Variants in ALDH3B2 observed in about 807,000 individuals in gnomAD.
ALDH3B2 encodes the protein aldehyde dehydrogenase family 3 member B2.
In ALDH3B2, 45 loss-of-function variants were observed where a neutral mutation model predicts 36.7. The ratio of observed to expected loss-of-function variants is 1.23; its 90% CI spans 0.97 to 1.57. The LOEUF is 1.57. ALDH3B2 is among the 40% of genes most tolerant of loss of function. The probability of loss-of-function intolerance (pLI) is 0.00; values close to 1 mark genes in which losing one functional copy is unlikely to be tolerated. For synonymous variants in ALDH3B2, 217 were observed against 226.5 expected (o/e 0.96, Z 0.38); for missense variants, 464 against 513.3 (o/e 0.90, Z 0.93).
chr11:67,667,411 C>T, intron 2 of ALDH3B2, 62 bp downstream of exon 2: 2 of 348,494 alleles, frequency 5.7e-6, no homozygotes, highest in Non-Finnish European at 1.1e-5. Flanking sequence ...GGCACGGGCC[C>T]TCCTGAAAGA....
At chr11:67,667,518 T>C in exon 2 of ALDH3B2, 1 of 390,288 alleles carries the variant, frequency 2.6e-6, no homozygotes, top group Non-Finnish European at 4.7e-6. Flanking sequence ...GCTGCTTGTT[T>C]TCTTGAAGGA....
chr11:67,669,893 GGT>G (rs368898450), intron 1 of ALDH3B2, among the ~76,000 whole-genome samples: 7 of 93,244 alleles, frequency 7.5e-5, no homozygotes, highest in South Asian at 4.1e-4. Context: ...TCTGCGTATG[GGT>G]GTGTGTGTCC....
chr11:67,680,184 C>T (rs558942168), intron 1 of ALDH3B2, among the ~76,000 whole-genome samples: 200 of 151,842 alleles, frequency 1.3e-3, no homozygotes, highest in African/African-American at 4.2e-3. Flanking sequence ...CGTGGTGATG[C>T]GCACCTGTAA....
chr11:67,664,255 G>T, intron 8 of ALDH3B2, 141 bp downstream of exon 8: 1 of 1,324,530 alleles, frequency 7.5e-7, no homozygotes, highest in Non-Finnish European at 1.0e-6. Flanking sequence ...GCCGGATGCA[G>T]TGGTACCAGG....
upstream of ALDH3B2, among the ~76,000 whole-genome samples, chr11:67,679,594 A>C (rs962688104): frequency 6.6e-6 from 1 of 152,082 alleles, no homozygotes; most frequent in Non-Finnish European, 1.5e-5. Context: ...CCTAGCTAAC[A>C]CAGTGAAACC....
intron 1 of ALDH3B2, among the ~76,000 whole-genome samples, chr11:67,672,699 C>T (rs1053128312): frequency 6.6e-6 from 1 of 151,664 alleles, no homozygotes; most frequent in Non-Finnish European, 1.5e-5. Flanking sequence ...AAATGATTCT[C>T]CTGCCTCAGC....
At chr11:67,668,055 A>G (rs1322522756) in intron 1 of ALDH3B2, 1 of 152,658 alleles carries the variant, frequency 6.6e-6, no homozygotes, top group Admixed American at 6.5e-5. Flanking sequence ...ACTCAGATGG[A>G]ACAGAGCTCT....
At chr11:67,663,192 C>A in exon 10 of ALDH3B2, 1 of 1,582,762 alleles carries the variant, frequency 6.3e-7, no homozygotes, top group Non-Finnish European at 8.6e-7. Flanking sequence ...CTCTGTGTGA[C>A]CCGTTGGAGG....
chr11:67,676,121 C>T (rs1856265951), upstream of ALDH3B2, among the ~76,000 whole-genome samples: 1 of 152,054 alleles, frequency 6.6e-6, no homozygotes, highest in Non-Finnish European at 1.5e-5. Flanking sequence ...GTGGCATGTG[C>T]CTGTAATCCC....
chr11:67,680,029 T>C (rs764724058), intron 1 of ALDH3B2, among the ~76,000 whole-genome samples: 4 of 151,574 alleles, frequency 2.6e-5, no homozygotes, highest in East Asian at 2.0e-4. Context: ...AAGAACCAGA[T>C]TAGAGGCCAG....
chr11:67,676,613 C>T (rs906837516), upstream of ALDH3B2, among the ~76,000 whole-genome samples: 3 of 151,586 alleles, frequency 2.0e-5, no homozygotes, highest in East Asian at 3.9e-4. Flanking sequence ...TAGAGCAGAA[C>T]TAAATGAAAT....
chr11:67,668,103 A>T, intron 1 of ALDH3B2: 1 of 152,532 alleles, frequency 6.6e-6, no homozygotes, highest in East Asian at 1.9e-4. Flanking sequence ...TAAACGAGGG[A>T]CTCGGAGGGT....
upstream of ALDH3B2, among the ~76,000 whole-genome samples, chr11:67,676,032 G>C (rs891437786): frequency 6.6e-6 from 1 of 152,172 alleles, no homozygotes; most frequent in Non-Finnish European, 1.5e-5. Flanking sequence ...GATCACTTGA[G>C]GTTAGGAGTT....
At chr11:67,664,120 G>A in intron 8 of ALDH3B2, 5 of 581,656 alleles carry the variant, frequency 8.6e-6, no homozygotes, top group South Asian at 2.0e-5. Context: ...TCCATTCCGG[G>A]CCTCTGCTTG....
Position 67,666,124 on chromosome 11 carries a change from G to C in ALDH3B2, c.317C>G (p.Thr106Arg), listed in dbSNP as rs753100958. ...GGACCCTGGCCTGGCCCCCTCACCT[G>C]TGAAGAAGATGTAGTCCAACTTGTG... Residue 106 changes from threonine to arginine, a missense_variant and splice_region_variant, in exon 6 of 10, where the codon ACA becomes AGA. Thr to Arg is a moderately conservative substitution (Grantham distance 71, BLOSUM62 -1). Coordinates refer to ENST00000349015, the Ensembl canonical transcript of ALDH3B2. The C allele has an allele frequency of 1.7e-5, 28 of 1,613,936 alleles. No individual in the cohort carries two copies. The South Asian group carries it at 2.7e-4, about 16-fold the overall frequency.
intron 6 of ALDH3B2, 68 bp downstream of exon 6, chr11:67,666,054 C>T: frequency 1.3e-6 from 2 of 1,571,830 alleles, no homozygotes; most frequent in Non-Finnish European, 1.7e-6. Context: ...CCTCCCTCCA[C>T]AACCCTCCCA....
upstream of ALDH3B2, among the ~76,000 whole-genome samples, chr11:67,677,098 T>G (rs1856286284): frequency 1.3e-5 from 2 of 152,218 alleles, no homozygotes; most frequent in South Asian, 4.1e-4. Flanking sequence ...CCCTAATTCA[T>G]TCTATGAAGC....
intron 6 of ALDH3B2, 143 bp from the exon 7 acceptor site, chr11:67,665,814 G>T: frequency 7.7e-7 from 1 of 1,303,892 alleles, no homozygotes. Flanking sequence ...ATCCTCAACT[G>T]GCCTTGACCA....
intron 1 of ALDH3B2, among the ~76,000 whole-genome samples, chr11:67,669,069 CTGTG>C (rs1392267988): frequency 1.4e-5 from 2 of 144,600 alleles, no homozygotes; most frequent in East Asian, 2.1e-4. Flanking sequence ...GTATGGGTGT[CTGTG>C]TGTCTTCGTG....
Sources: allele counts gnomAD v4.1 joint callset (sites outside exome capture counted in the v4.1 genomes callset), GRCh38; gene constraint gnomAD v4.1.1; transcripts MANE v1.5; gene names NCBI Gene and HGNC (gene_info 2026-07-23, HGNC 2026-07-21).